The following PTPN21 variants were observed in gnomAD, a reference collection of about 807,000 sequenced individuals.
PTPN21 encodes the protein tyrosine-protein phosphatase non-receptor type 21.
Under a neutral mutation model 131.8 loss-of-function variants are expected in PTPN21, and 77 were observed. The observed-to-expected ratio is 0.58, with a 90% CI of 0.49 to 0.71. The LOEUF is 0.71. Among genes scored for constraint, PTPN21 ranks in the 30% least tolerant of loss-of-function variants. PTPN21 has a pLI of 0.00. For synonymous variants in PTPN21, 715 were observed against 621.3 expected (o/e 1.15, Z -2.24); for missense variants, 1,552 against 1,527.1 (o/e 1.02, Z -0.27).
intron 2 of PTPN21, among the ~76,000 whole-genome samples, chr14:88,539,672 A>G (rs2078678530): frequency 6.6e-6 from 1 of 152,216 alleles, no homozygotes; most frequent in South Asian, 2.1e-4. Flanking sequence ...CTAAAACAAG[A>G]GCTGGAAGAC....
Position 88,505,371 on chromosome 14 carries a change from G to T in PTPN21, c.449C>A (p.Ala150Glu), listed in dbSNP as rs141615591. 8.2e-6 allele frequency: 13 copies of T among 1,593,348 alleles called. No homozygotes were observed. The highest frequency in any genetic ancestry group is 5.2e-5 in the Admixed American group (3 of 58,142). ...ATACTGATCAAAGTCACCAAAATCC[G>T]CTATATAGAATGACAAACATTCACG... ...AIQLAGLAVQ[A>E]DFGDFDQYES... Residue 150 changes from alanine (A) to glutamate (E), a missense_variant and splice_region_variant, in exon 5 of 19, where the codon GCG becomes GAG. Physicochemically the swap from Ala to Glu is moderately radical, Grantham distance 107. Around this residue, in one of 4 missense-constraint regions of PTPN21, gnomAD observed 206 missense variants for 221.6 expected, o/e 0.93. Coordinates refer to ENST00000556564, the MANE Select transcript of PTPN21 (RefSeq NM_007039.4).
chr14:88,524,574 C>T lies in PTPN21; in HGVS notation c.181-7313G>A, dbSNP rs180952281. 5.3e-4 allele frequency among the ~76,000 whole-genome samples: 80 copies of T among 152,256 alleles called. 2 individuals are homozygous for T. In the East Asian group the frequency reaches 0.015, roughly 29 times the overall value. On this transcript the variant is annotated intron_variant, in intron 2 of 18. Coordinates refer to ENST00000556564, the MANE Select transcript of PTPN21 (RefSeq NM_007039.4). ...AAATGCTTGAGTATAACACCAAAAA[C>T]ATGAGCAACAAAGAAAAAAATAGAT... is the stretch of plus-strand genomic sequence containing the variant.
At chr14:88,518,589 C>A (rs930704313) in intron 2 of PTPN21, among the ~76,000 whole-genome samples, 1 of 148,836 alleles carries the variant, frequency 6.7e-6, no homozygotes, top group South Asian at 2.1e-4. Flanking sequence ...ACCACCACAC[C>A]CAGCTAATTT....
chr14:88,497,078 T>A (rs1470512369), intron 9 of PTPN21, 125 bp downstream of exon 9: 3 of 874,370 alleles, frequency 3.4e-6, no homozygotes, highest in Admixed American at 5.1e-5. Flanking sequence ...ACTGCATGTT[T>A]TATACAATTA....
chr14:88,536,888 G>A (rs1334651858), intron 2 of PTPN21, among the ~76,000 whole-genome samples: 1 of 152,114 alleles, frequency 6.6e-6, no homozygotes, highest in African/African-American at 2.4e-5. Flanking sequence ...CATCTAACAA[G>A]GGTAGTTAAC....
At chr14:88,497,113 C>T in intron 9 of PTPN21, 90 bp downstream of exon 9, 1 of 1,019,918 alleles carries the variant, frequency 9.8e-7, no homozygotes, top group Non-Finnish European at 1.5e-6. Flanking sequence ...TTTAATGCTG[C>T]CCTGCCTCCA....
intron 2 of PTPN21, among the ~76,000 whole-genome samples, chr14:88,518,345 A>T (rs1247742581): frequency 2.3e-5 from 2 of 86,690 alleles, no homozygotes; most frequent in Admixed American, 1.5e-4. Flanking sequence ...TATGTGTATA[A>T]GTGTATATAT....
At chr14:88,549,907 TGCCCGCCACCACACCCTACAGGC>T (rs1245812100) in intron 2 of PTPN21, among the ~76,000 whole-genome samples, 2 of 151,834 alleles carry the variant, frequency 1.3e-5, no homozygotes, top group Admixed American at 6.6e-5. Context: ...GGATGACAGG[TGCCCGCCACCACACCCTACAGGC>T]GCCCACCACC....
At chr14:88,518,452 A>G (rs1310932451) in intron 2 of PTPN21, among the ~76,000 whole-genome samples, 23 of 44,580 alleles carry the variant, frequency 5.2e-4, no homozygotes, top group Non-Finnish European at 8.2e-4. Context: ...TTTTTTTGAG[A>G]TAGATTCTCA....
chr14:88,487,838 C>T (rs1423646652), intron 10 of PTPN21, among the ~76,000 whole-genome samples: 3 of 151,902 alleles, frequency 2.0e-5, no homozygotes, highest in South Asian at 2.1e-4. Context: ...CGGTGGCAGG[C>T]GCCTGTAATC....
chr14:88,518,392 A>G (rs1298625895), intron 2 of PTPN21, among the ~76,000 whole-genome samples: 151 of 12,778 alleles, frequency 0.012, 2 homozygotes, highest in African/African-American at 0.024. Context: ...GTGTGTATAT[A>G]TATATATATA....
chr14:88,480,168 G>A lies in PTPN21; in HGVS notation c.1263C>T (p.Ile421=), dbSNP rs2077629245. The A allele has an allele frequency of 7.4e-6, 12 of 1,614,058 alleles. No homozygotes were observed. The Admixed American group carries it at 1.7e-4, about 22-fold the overall frequency. Residue 421 remains isoleucine, a synonymous_variant, in exon 13 of 19, where the codon ATC becomes ATT. Coordinates refer to ENST00000556564, the MANE Select transcript of PTPN21 (RefSeq NM_007039.4). ...QPSPMSSNPS[I]TGSDVMRPDY... ...CAGGCCTCATGACGTCACTCCCGGT[G>A]ATGCTAGGGTTGGACGACATCGGCG...
At chr14:88,514,165 T>C (rs1369335832) in intron 3 of PTPN21, among the ~76,000 whole-genome samples, 3 of 152,220 alleles carry the variant, frequency 2.0e-5, no homozygotes, top group Non-Finnish European at 4.4e-5. Context: ...CTTTAGGGAA[T>C]CCTATTACAT....
intron 2 of PTPN21, among the ~76,000 whole-genome samples, chr14:88,535,995 T>A (rs948357976): frequency 2.0e-5 from 3 of 152,256 alleles, no homozygotes; most frequent in Non-Finnish European, 4.4e-5. Context: ...CTTTGTTATA[T>A]AACTTTCCAG....
At chr14:88,475,787 A>T (rs2077540657) in intron 13 of PTPN21, among the ~76,000 whole-genome samples, 1 of 152,324 alleles carries the variant, frequency 6.6e-6, no homozygotes, top group African/African-American at 2.4e-5. Context: ...AATATGAACT[A>T]GCTCTGGCAC....
intron 2 of PTPN21, chr14:88,547,652 C>T (rs1166299746): frequency 8.8e-6 from 4 of 455,784 alleles, no homozygotes; most frequent in South Asian, 4.7e-5. Flanking sequence ...GACCTCATCC[C>T]TAAAAAAGAA....
At chr14:88,487,301 C>T (rs1055195869) in intron 10 of PTPN21, among the ~76,000 whole-genome samples, 1 of 152,070 alleles carries the variant, frequency 6.6e-6, no homozygotes, top group African/African-American at 2.4e-5. Context: ...GGTTCATGTA[C>T]TTATGTAACA....
chr14:88,542,811 G>A (rs1026821700), intron 2 of PTPN21, among the ~76,000 whole-genome samples: 1 of 152,158 alleles, frequency 6.6e-6, no homozygotes, highest in Middle Eastern at 3.2e-3. Flanking sequence ...TCTCTATCTA[G>A]GTGAGAGGCC....
intron 2 of PTPN21, among the ~76,000 whole-genome samples, chr14:88,540,036 A>C (rs962829547): frequency 6.6e-6 from 1 of 152,226 alleles, no homozygotes; most frequent in Admixed American, 6.5e-5. Context: ...ACTTGCAGGA[A>C]GAGAAAGGAT....
Sources: allele counts gnomAD v4.1 joint callset (sites outside exome capture counted in the v4.1 genomes callset), GRCh38; gene constraint gnomAD v4.1.1; regional missense constraint gnomAD v4.1.1; transcripts MANE v1.5; gene names NCBI Gene and HGNC (gene_info 2026-07-23, HGNC 2026-07-21).